The following FGGY variants were observed in gnomAD, a reference collection of about 807,000 sequenced individuals.
FGGY encodes FGGY carbohydrate kinase domain-containing protein.
FGGY carries 72 observed loss-of-function variants against 71.3 expected under a neutral mutation model. That is an observed-to-expected ratio of 1.01 (90% CI 0.84 to 1.23). The LOEUF (loss-of-function observed/expected upper bound fraction) is 1.23, where lower values mean the gene tolerates loss of function less well. FGGY is among the 50% of genes most tolerant of loss of function. FGGY has a pLI of 0.00. For synonymous variants in FGGY, 251 were observed against 250.3 expected, an observed-to-expected ratio of 1.00 and a Z score of -0.02; for missense variants, 668 against 682.3, an observed-to-expected ratio of 0.98 and a Z score of 0.23.
intron 6 of FGGY, among the ~76,000 whole-genome samples, chr1:59,468,127 T>C (rs990306862): frequency 6.6e-6 from 1 of 152,118 alleles, no homozygotes; most frequent in Admixed American, 6.5e-5. Flanking sequence ...GGTCTCGAAC[T>C]CTCGACCTCA....
rs1322017265 is a variant in FGGY, at chr1:59,583,284, T to C, written c.904-24519T>C. Reference sequence around the variant, plus strand: ...GCAAGAAACTGGTAGGATGATGGCATTGGGAAGCTATAAGGGTGATTCTGA... The same window carrying C: ...GCAAGAAACTGGTAGGATGATGGCACTGGGAAGCTATAAGGGTGATTCTGA... On this transcript the variant is annotated intron_variant, in intron 8 of 15. Coordinates refer to ENST00000303721, the MANE Select transcript of FGGY (RefSeq NM_018291.5). Among the ~76,000 whole-genome samples, 5 of 143,534 alleles carry C rather than the reference T, an allele frequency of 3.5e-5. 2 individuals are homozygous for C. Among genetic ancestry groups the C allele is most frequent in the African/African-American group, 1.1e-4 (4 of 36,710 alleles). The allele number at this position is 143,534 out of a possible 152,430, so 94.2% of individuals were successfully genotyped here. A position where few individuals can be genotyped will look rare whatever the true frequency, so the allele number is the denominator to read the frequency against.
chr1:59,566,585 C>T lies in FGGY; in HGVS notation c.903+12358C>T, dbSNP rs1212273605. 2.6e-5 allele frequency among the ~76,000 whole-genome samples: 4 copies of T among 151,734 alleles called. 1 individual carries two copies. The highest frequency in any genetic ancestry group is 4.2e-4 in the South Asian group (2 of 4,800). ...GAAGGAATGAAATTGAAAGTCCCTA[C>T]GTAATTAACCATCAGTGGCTCCCTA... is the stretch of plus-strand genomic sequence containing the variant. On this transcript the variant is annotated intron_variant, in intron 8 of 15. Coordinates refer to ENST00000303721, the MANE Select transcript of FGGY (RefSeq NM_018291.5).
At chr1:59,613,909 A>G (rs1182400376) in intron 9 of FGGY, among the ~76,000 whole-genome samples, 4 of 152,382 alleles carry the variant, frequency 2.6e-5, no homozygotes, top group South Asian at 4.1e-4. Flanking sequence ...AGAAATGGAT[A>G]AATTCCTGGA....
At chr1:59,593,785 ATC>A (rs1173452856) in intron 8 of FGGY, among the ~76,000 whole-genome samples, 1 of 152,150 alleles carries the variant, frequency 6.6e-6, no homozygotes, top group African/African-American at 2.4e-5. Flanking sequence ...TATCTTTTTC[ATC>A]TCTCTTTTTC....
At chr1:59,439,687 G>C (rs2069301374) in intron 5 of FGGY, among the ~76,000 whole-genome samples, 1 of 152,148 alleles carries the variant, frequency 6.6e-6, no homozygotes, top group Non-Finnish European at 1.5e-5. Context: ...AAGATGAAAA[G>C]CAGCTGCTTT....
intron 1 of FGGY, among the ~76,000 whole-genome samples, chr1:59,311,746 G>C (rs2044375025): frequency 6.6e-6 from 1 of 152,090 alleles, no homozygotes. Flanking sequence ...ATATTCCTTT[G>C]GGTATATACC....
intron 4 of FGGY, among the ~76,000 whole-genome samples, chr1:59,366,033 C>G (rs1292536152): frequency 6.6e-6 from 1 of 152,134 alleles, no homozygotes. Flanking sequence ...TTTCCTAATA[C>G]GTACAGTGGT....
chr1:59,735,950 C>T (rs1008720495), intron 14 of FGGY, among the ~76,000 whole-genome samples: 1 of 152,164 alleles, frequency 6.6e-6, no homozygotes, highest in Non-Finnish European at 1.5e-5. Flanking sequence ...TGTGTCCCCA[C>T]CCAAATCTCA....
At chr1:59,503,666 T>G (rs909808448) in intron 6 of FGGY, among the ~76,000 whole-genome samples, 1 of 147,310 alleles carries the variant, frequency 6.8e-6, no homozygotes, top group Non-Finnish European at 1.5e-5. Flanking sequence ...TAGATATAAT[T>G]AAATGTTATA....
chr1:59,317,106 T>C (rs900145502), intron 1 of FGGY, among the ~76,000 whole-genome samples: 9 of 152,236 alleles, frequency 5.9e-5, no homozygotes, highest in Non-Finnish European at 1.2e-4. Flanking sequence ...GGGCTCATAC[T>C]GCCTACCTCA....
intron 8 of FGGY, among the ~76,000 whole-genome samples, chr1:59,573,725 T>C (rs747076268): frequency 1.8e-4 from 28 of 152,202 alleles, no homozygotes; most frequent in Non-Finnish European, 2.2e-4. Flanking sequence ...TTGTGCCCCA[T>C]ATAAAATCCC....
intron 5 of FGGY, among the ~76,000 whole-genome samples, chr1:59,383,063 C>A (rs1477571439): frequency 6.6e-6 from 1 of 152,128 alleles, no homozygotes; most frequent in Admixed American, 6.5e-5. Context: ...AGTCTCTTCC[C>A]TTCTTTGATT....
At chr1:59,364,552 A>G (rs1265144220) in intron 4 of FGGY, among the ~76,000 whole-genome samples, 4 of 152,196 alleles carry the variant, frequency 2.6e-5, no homozygotes, top group Non-Finnish European at 5.9e-5. Context: ...ATGACTCATC[A>G]TCTATAGATC....
At chr1:59,492,630 T>C (rs1322253949) in intron 6 of FGGY, among the ~76,000 whole-genome samples, 1 of 152,116 alleles carries the variant, frequency 6.6e-6, no homozygotes, top group Non-Finnish European at 1.5e-5. Context: ...TCACTTTAAC[T>C]TTTTTACTTT....
chr1:59,362,458 A>G (rs2055750797), intron 4 of FGGY, among the ~76,000 whole-genome samples: 1 of 152,222 alleles, frequency 6.6e-6, no homozygotes, highest in African/African-American at 2.4e-5. Context: ...TTCTGACTCA[A>G]GTATCTAATA....
intron 8 of FGGY, among the ~76,000 whole-genome samples, chr1:59,604,119 G>A (rs1285677966): frequency 2.0e-5 from 3 of 152,168 alleles, no homozygotes; most frequent in African/African-American, 7.2e-5. Flanking sequence ...CGTTATTACT[G>A]GGAAGTCAGT....
At chr1:59,439,064 C>T (rs2069165031) in intron 5 of FGGY, among the ~76,000 whole-genome samples, 1 of 152,160 alleles carries the variant, frequency 6.6e-6, no homozygotes, top group African/African-American at 2.4e-5. Context: ...GATGTTGTCT[C>T]TTAATTCTTT....
chr1:59,569,767 T>C (rs1219968185), intron 8 of FGGY, among the ~76,000 whole-genome samples: 1 of 152,212 alleles, frequency 6.6e-6, no homozygotes, highest in Non-Finnish European at 1.5e-5. Context: ...ATGCTCAGAA[T>C]AACTAAGTGA....
chr1:59,552,461 G>A (rs1184642245), intron 7 of FGGY, among the ~76,000 whole-genome samples: 1 of 152,192 alleles, frequency 6.6e-6, no homozygotes, highest in African/African-American at 2.4e-5. Flanking sequence ...ACAGGTTGCT[G>A]TGCCCCAGAA....
Sources: gnomAD v4.1 joint callset for allele counts (sites outside exome capture counted in the v4.1 genomes callset) on GRCh38, gnomAD v4.1.1 for gene constraint, MANE v1.5 for transcripts, NCBI Gene and HGNC (gene_info 2026-07-23, HGNC 2026-07-21) for gene names.